PTPRD: variants seen among roughly 807,000 people sequenced by gnomAD.
The protein encoded by PTPRD is protein tyrosine phosphatase receptor type D.
PTPRD carries 34 observed loss-of-function variants against 214.5 expected under a neutral mutation model. The ratio of observed to expected loss-of-function variants is 0.16; its 90% confidence interval spans 0.12 to 0.21. PTPRD has a LOEUF of 0.21. Ranked by LOEUF, PTPRD falls within the 10% of genes least tolerant of loss-of-function variation. The pLI is 1.00. For synonymous variants in PTPRD, 1,128 were observed against 845.7 expected (o/e 1.33, Z -5.79); for missense variants, 2,545 against 2,398.7 (o/e 1.06, Z -1.27).
chr9:9,684,521 T>A (rs901022026), intron 7 of PTPRD, among the ~76,000 whole-genome samples: 1 of 151,746 alleles, frequency 6.6e-6, no homozygotes, highest in Non-Finnish European at 1.5e-5. Context: ...CCTAAGATAG[T>A]TGCTTATTAT....
intron 11 of PTPRD, among the ~76,000 whole-genome samples, chr9:8,791,285 G>A (rs1224572128): frequency 2.0e-5 from 3 of 151,996 alleles, no homozygotes; most frequent in Non-Finnish European, 1.5e-5. Flanking sequence ...GAGTGCAGTG[G>A]CGTGATCTCC....
intron 2 of PTPRD, among the ~76,000 whole-genome samples, chr9:10,374,525 T>G (rs903461135): frequency 2.0e-5 from 3 of 152,000 alleles, no homozygotes; most frequent in Non-Finnish European, 4.4e-5. Flanking sequence ...TTCCTGATCA[T>G]AGGAGCCACA....
chr9:10,130,702 A>G (rs541774332), intron 3 of PTPRD, among the ~76,000 whole-genome samples: 22 of 152,328 alleles, frequency 1.4e-4, no homozygotes, highest in African/African-American at 5.0e-4. Flanking sequence ...CAGAAATAGT[A>G]CAAGTAATAA....
At chr9:10,050,895 T>A (rs906783525) in intron 3 of PTPRD, among the ~76,000 whole-genome samples, 4 of 152,102 alleles carry the variant, frequency 2.6e-5, no homozygotes, top group African/African-American at 9.7e-5. Context: ...TTACATAAAA[T>A]CAAATGTTGA....
intron 8 of PTPRD, among the ~76,000 whole-genome samples, chr9:9,482,440 G>A (rs2095455721): frequency 6.6e-6 from 1 of 152,164 alleles, no homozygotes; most frequent in Non-Finnish European, 1.5e-5. Context: ...GAACGTTGAA[G>A]TGTCTATATA....
At chr9:9,585,153 T>C (rs2091707804) in intron 7 of PTPRD, among the ~76,000 whole-genome samples, 1 of 152,128 alleles carries the variant, frequency 6.6e-6, no homozygotes, top group Non-Finnish European at 1.5e-5. Context: ...TTATTGTTTT[T>C]GCCTTTATTT....
chr9:8,447,914 T>C (rs111325712), intron 34 of PTPRD, among the ~76,000 whole-genome samples: 5 of 152,094 alleles, frequency 3.3e-5, no homozygotes, highest in African/African-American at 1.2e-4. Context: ...TTTTACAGGG[T>C]GATGAGGTAA....
chr9:10,017,136 A>G (rs1192888860), intron 4 of PTPRD, among the ~76,000 whole-genome samples: 1 of 152,228 alleles, frequency 6.6e-6, no homozygotes, highest in Non-Finnish European at 1.5e-5. Context: ...ACTAACAAGT[A>G]GTAATATGCC....
At chr9:9,240,082 A>T (rs542342976) in intron 9 of PTPRD, among the ~76,000 whole-genome samples, 2 of 152,310 alleles carry the variant, frequency 1.3e-5, no homozygotes, top group East Asian at 3.9e-4. Flanking sequence ...AAGCACAAAT[A>T]TTAAGAATAA....
At chr9:8,716,499 G>A (rs1354759847) in intron 12 of PTPRD, among the ~76,000 whole-genome samples, 1 of 152,108 alleles carries the variant, frequency 6.6e-6, no homozygotes, top group Non-Finnish European at 1.5e-5. Context: ...GAAACTGCTG[G>A]TATTGAGAAA....
chr9:10,062,291 T>A (rs1000355174), intron 3 of PTPRD, among the ~76,000 whole-genome samples: 2 of 152,066 alleles, frequency 1.3e-5, no homozygotes, highest in Non-Finnish European at 2.9e-5. Flanking sequence ...CATTAGCCTT[T>A]CTATGGAGCA....
At chr9:10,595,427 T>C (rs1454124497) in intron 2 of PTPRD, among the ~76,000 whole-genome samples, 1 of 151,770 alleles carries the variant, frequency 6.6e-6, no homozygotes, top group African/African-American at 2.4e-5. Flanking sequence ...TCAGTAAGCT[T>C]CTTGGCTCTA....
chr9:10,470,557 C>G (rs1254228815), intron 2 of PTPRD, among the ~76,000 whole-genome samples: 1 of 152,116 alleles, frequency 6.6e-6, no homozygotes, highest in Non-Finnish European at 1.5e-5. Context: ...AGCGGTGACT[C>G]CTCAGGAGAA....
chr9:10,331,852 T>C (rs978799621), intron 3 of PTPRD, among the ~76,000 whole-genome samples: 5 of 151,884 alleles, frequency 3.3e-5, no homozygotes, highest in Non-Finnish European at 7.4e-5. Context: ...TTTGTATAAA[T>C]TTAAATAAGT....
At chr9:8,920,681 GGCC>G (rs1185105629) in intron 11 of PTPRD, among the ~76,000 whole-genome samples, 3 of 152,200 alleles carry the variant, frequency 2.0e-5, no homozygotes, top group African/African-American at 7.2e-5. Flanking sequence ...AATGGGCTGC[GGCC>G]CATGGGCCGT....
At chr9:9,090,988 C>T (rs2099774779) in intron 10 of PTPRD, 3 of 1,573,256 alleles carry the variant, frequency 1.9e-6, no homozygotes, top group Non-Finnish European at 2.6e-6. Flanking sequence ...CCGATGCATG[C>T]CCAAGGACAA....
At chr9:10,599,910 A>T (rs2133307850) in intron 2 of PTPRD, among the ~76,000 whole-genome samples, 1 of 151,916 alleles carries the variant, frequency 6.6e-6, no homozygotes, top group Middle Eastern at 3.4e-3. Context: ...TTAATCACTG[A>T]CTCAAAGAAG....
At chr9:9,277,730 C>A (rs1396509145) in intron 9 of PTPRD, among the ~76,000 whole-genome samples, 1 of 151,232 alleles carries the variant, frequency 6.6e-6, no homozygotes, top group Non-Finnish European at 1.5e-5. Flanking sequence ...AGATGTTTAA[C>A]CAACCTTTGA....
chr9:10,602,010 G>C (rs942308044), intron 2 of PTPRD, among the ~76,000 whole-genome samples: 1 of 151,794 alleles, frequency 6.6e-6, no homozygotes, highest in African/African-American at 2.4e-5. Flanking sequence ...CTGAAAGGAA[G>C]AGATTTGGTG....
Sources: gnomAD v4.1 joint callset for allele counts (sites outside exome capture counted in the v4.1 genomes callset) on GRCh38, gnomAD v4.1.1 for gene constraint, MANE v1.5 for transcripts, NCBI Gene and HGNC (gene_info 2026-07-23, HGNC 2026-07-21) for gene names.